Variants in PTBP3 observed in about 807,000 individuals in gnomAD.
PTBP3 encodes the protein polypyrimidine tract-binding protein 3.
PTBP3 carries 20 observed loss-of-function variants against 58.7 expected under a neutral mutation model. The ratio of observed to expected loss-of-function variants is 0.34; its 90% CI spans 0.24 to 0.50. The LOEUF (loss-of-function observed/expected upper bound fraction) is 0.50. Among genes scored for constraint, PTBP3 ranks in the 20% least tolerant of loss-of-function variants. The probability of loss-of-function intolerance (pLI) is 0.98; values close to 1 mark genes in which losing one functional copy is unlikely to be tolerated. For synonymous variants in PTBP3, 185 were observed against 219.8 expected, an observed-to-expected ratio of 0.84 and a Z score of 1.40; for missense variants, 509 against 637.2, an observed-to-expected ratio of 0.80 and a Z score of 2.17.
intron 5 of PTBP3, among the ~76,000 whole-genome samples, chr9:112,261,748 TG>T (rs1836606193): frequency 6.6e-6 from 1 of 152,250 alleles, no homozygotes; most frequent in Non-Finnish European, 1.5e-5. Context: ...TAGTTAAAAA[TG>T]TAACAACCAT....
intron 7 of PTBP3, among the ~76,000 whole-genome samples, chr9:112,241,316 C>G (rs1303212558): frequency 1.3e-5 from 2 of 152,140 alleles, no homozygotes; most frequent in South Asian, 2.1e-4. Context: ...GTTGGCCAGG[C>G]TGGTCTCAAA....
In PTBP3 at chr9:112,313,404, T is replaced by A. The variant is rs1829567431; in HGVS notation, c.-51-15488A>T. Among the ~76,000 whole-genome samples, 3 of 152,224 alleles carry A rather than the reference T, an allele frequency of 2.0e-5. No homozygotes were observed. In the South Asian group the frequency reaches 6.2e-4, roughly 31 times the overall value. ...TTTTTATATTCATTTCTTCAATATT[T>A]ATTCACCATTGTGAGCAGGCAGCTG... On this transcript the variant is annotated intron_variant, in intron 1 of 13. Coordinates refer to ENST00000374257, the MANE Select transcript of PTBP3 (RefSeq NM_001163788.4).
intron 7 of PTBP3, among the ~76,000 whole-genome samples, chr9:112,249,549 T>C (rs1057078127): frequency 4.6e-5 from 7 of 152,124 alleles, no homozygotes; most frequent in Non-Finnish European, 1.0e-4. Flanking sequence ...TCACACAATA[T>C]ATAAAGTGCA....
chr9:112,220,486 A>C lies in PTBP3; in HGVS notation c.*3365T>G, dbSNP rs1002740987. ...TTATCATACTAGGTGGAGCCAAAGA[A>C]GGCCTCACTGTCATAAGGGAACAGG... On this transcript the variant is annotated 3_prime_UTR_variant, in exon 14 of 14. Transcript: ENST00000374257. 2.8e-6 allele frequency: 3 copies of C among 1,070,312 alleles called. No individual in the cohort carries two copies. The highest frequency in any genetic ancestry group is 3.4e-6 in the Non-Finnish European group (3 of 877,470). 66.3% of individuals were successfully genotyped at this position (1,070,312 alleles called of 1,614,324 possible). A position where few individuals can be genotyped will look rare whatever the true frequency, so the allele number is the denominator to read the frequency against.
chr9:112,231,417 T>C lies in PTBP3; in HGVS notation c.1021-4A>G. The C allele has an allele frequency of 6.3e-7, 1 of 1,588,994 alleles. No individual in the cohort carries two copies. Among genetic ancestry groups the C allele is most frequent in the Middle Eastern group, 1.7e-4 (1 of 5,856 alleles). ...AAAGCCCATGTGGTGTGATAAGCTG[T>C]AAAGGGTAACACAAAGTTAAGTGTC... On this transcript the variant is annotated splice_region_variant and splice_polypyrimidine_tract_variant and intron_variant, in intron 9 of 13. Coordinates refer to ENST00000374257, the MANE Select transcript of PTBP3 (RefSeq NM_001163788.4).
intron 12 of PTBP3, among the ~76,000 whole-genome samples, chr9:112,226,224 C>A (rs1834985176): frequency 6.6e-6 from 1 of 151,164 alleles, no homozygotes; most frequent in Non-Finnish European, 1.5e-5. Context: ...AGTTTCCCGG[C>A]TGGTATGAGG....
chr9:112,379,823 G>C, the PTBP3 span: 520 of 482,926 alleles, frequency 1.1e-3, 1 homozygote, highest in Non-Finnish European at 1.3e-3. Context: ...TGGACGTAGC[G>C]GCTGACGCTG....
At chr9:112,378,567 T>C in the PTBP3 span, among the ~76,000 whole-genome samples, 2 of 152,246 alleles carry the variant, frequency 1.3e-5, no homozygotes, top group Non-Finnish European at 2.9e-5. Flanking sequence ...TCGACAGATA[T>C]ATACACGCTT....
At chr9:112,354,818 C>G in the PTBP3 span, among the ~76,000 whole-genome samples, 1 of 151,962 alleles carries the variant, frequency 6.6e-6, no homozygotes, top group Non-Finnish European at 1.5e-5. Flanking sequence ...AATCTGAAAA[C>G]TAGAAGATAA....
intron 1 of PTBP3, chr9:112,330,343 T>G (rs1191739161): frequency 2.2e-6 from 2 of 914,148 alleles, no homozygotes; most frequent in African/African-American, 3.5e-5. Context: ...AATTAAAGAC[T>G]TTTACACAAT....
chr9:112,297,782 C>T (rs1202964131), intron 2 of PTBP3, 50 bp downstream of exon 2: 6 of 1,384,288 alleles, frequency 4.3e-6, no homozygotes, highest in Non-Finnish European at 5.9e-6. Flanking sequence ...TGTAAAAAAA[C>T]AATTTGAAAC....
chr9:112,330,452 CTGTTA>C (rs1423597984), intron 1 of PTBP3: 1 of 1,525,320 alleles, frequency 6.6e-7, no homozygotes, highest in Admixed American at 1.9e-5. Context: ...TTTAAACCGA[CTGTTA>C]TAAGATCTGT....
chr9:112,231,501 T>C, intron 9 of PTBP3, 88 bp from the exon 10 acceptor site: 1 of 1,100,742 alleles, frequency 9.1e-7, no homozygotes. Context: ...CAGTTGATTT[T>C]ATTTTAAAGC....
intron 7 of PTBP3, among the ~76,000 whole-genome samples, chr9:112,247,197 T>C (rs973509314): frequency 1.3e-5 from 2 of 151,252 alleles, no homozygotes; most frequent in Non-Finnish European, 2.9e-5. Context: ...GCCCTGGAGG[T>C]TGAGGTTGCA....
chr9:112,287,973 C>T (rs1357150378), intron 2 of PTBP3, among the ~76,000 whole-genome samples: 1 of 152,176 alleles, frequency 6.6e-6, no homozygotes, highest in Non-Finnish European at 1.5e-5. Context: ...CAATTGGATG[C>T]TCCACATTAG....
chr9:112,332,836 G>A, intron 1 of PTBP3: 1 of 1,612,322 alleles, frequency 6.2e-7, no homozygotes, highest in Non-Finnish European at 8.5e-7. Context: ...TGAGGGGGAA[G>A]CGTCCATGGT....
the PTBP3 span, among the ~76,000 whole-genome samples, chr9:112,357,213 C>A: frequency 6.6e-6 from 1 of 152,058 alleles, no homozygotes; most frequent in Non-Finnish European, 1.5e-5. Context: ...CATACTAAGA[C>A]GTGGAAATTC....
chr9:112,320,431 T>C (rs1829901648), intron 1 of PTBP3, among the ~76,000 whole-genome samples: 1 of 150,966 alleles, frequency 6.6e-6, no homozygotes, highest in Non-Finnish European at 1.5e-5. Flanking sequence ...CATGAATATA[T>C]ACAATTTTTG....
At chr9:112,362,279 A>G in the PTBP3 span, among the ~76,000 whole-genome samples, 1 of 152,226 alleles carries the variant, frequency 6.6e-6, no homozygotes, top group Non-Finnish European at 1.5e-5. Context: ...CACCTGAGCA[A>G]CAAAGTAAGA....
Sources: gnomAD v4.1 joint callset for allele counts (sites outside exome capture counted in the v4.1 genomes callset) on GRCh38, gnomAD v4.1.1 for gene constraint, MANE v1.5 for transcripts, NCBI Gene and HGNC (gene_info 2026-07-23, HGNC 2026-07-21) for gene names.